Variants in CUX2 observed in about 807,000 individuals in gnomAD.
CUX2 encodes the protein homeobox protein cut-like 2.
In CUX2, 40 loss-of-function variants were observed where a neutral mutation model predicts 144.8. The observed-to-expected ratio is 0.28, with a 90% CI of 0.21 to 0.36. The LOEUF (loss-of-function observed/expected upper bound fraction) is 0.36, where lower values mean the gene tolerates loss of function less well. Among genes scored for constraint, CUX2 ranks in the 10% least tolerant of loss-of-function variants. The pLI is 1.00. For missense variants in CUX2, 1,615 were observed against 1,994.0 expected (o/e 0.81, Z 3.62); for synonymous variants, 827 against 875.6 (o/e 0.94, Z 0.98).
At chr12:111,167,759 A>G (rs750226579) in intron 1 of CUX2, among the ~76,000 whole-genome samples, 5 of 152,076 alleles carry the variant, frequency 3.3e-5, no homozygotes, top group Middle Eastern at 3.4e-3. Context: ...CAGTGGCATG[A>G]TCTTAGCTCA....
intron 1 of CUX2, among the ~76,000 whole-genome samples, chr12:111,133,803 T>G (rs1875667051): frequency 1.3e-5 from 2 of 152,104 alleles, no homozygotes; most frequent in South Asian, 4.1e-4. Flanking sequence ...AGTGCAGGGT[T>G]AATTCCCTCA....
intron 3 of CUX2, among the ~76,000 whole-genome samples, chr12:111,235,575 G>T (rs992522948): frequency 6.6e-6 from 1 of 152,106 alleles, no homozygotes; most frequent in African/African-American, 2.4e-5. Flanking sequence ...ACAAAAATTA[G>T]CCAGGCATGG....
intron 16 of CUX2, among the ~76,000 whole-genome samples, chr12:111,313,797 G>A (rs192200325): frequency 6.6e-6 from 1 of 152,250 alleles, no homozygotes; most frequent in East Asian, 1.9e-4. Flanking sequence ...TGTCACAAAC[G>A]ACTCTGCTGG....
chr12:111,038,798 A>T (rs1869588554), intron 1 of CUX2, among the ~76,000 whole-genome samples: 1 of 151,844 alleles, frequency 6.6e-6, no homozygotes, highest in Non-Finnish European at 1.5e-5. Context: ...TTTTATTAAT[A>T]CTTGAATTCA....
intron 16 of CUX2, among the ~76,000 whole-genome samples, chr12:111,316,742 G>A (rs575123201): frequency 2.0e-4 from 31 of 152,198 alleles, no homozygotes; most frequent in Middle Eastern, 3.4e-3. Flanking sequence ...GAACCACCAC[G>A]CCCGGCCAAA....
rs765553446 is a variant in CUX2, at chr12:111,334,434, C to G, written c.2927-7C>G. ...GTAACCACCTTCTCTTTCTCTGTGG[C>G]CCACAGCCAGTCCCACAGAACCAAG... On this transcript the variant is annotated splice_polypyrimidine_tract_variant and splice_region_variant and intron_variant, in intron 18 of 21. Transcript: ENST00000261726. 2 of 1,575,476 alleles carry G rather than the reference C, an allele frequency of 1.3e-6. No individual in the cohort carries two copies. The highest frequency in any genetic ancestry group is 3.8e-5 in the Admixed American group (2 of 52,972).
intron 1 of CUX2, among the ~76,000 whole-genome samples, chr12:111,206,585 C>A (rs1880930055): frequency 6.6e-6 from 1 of 152,220 alleles, no homozygotes; most frequent in Non-Finnish European, 1.5e-5. Context: ...ACTGTGAACT[C>A]CTCAAGGACA....
chr12:111,120,077 A>T (rs574681304), intron 1 of CUX2, among the ~76,000 whole-genome samples: 2 of 152,274 alleles, frequency 1.3e-5, no homozygotes, highest in East Asian at 1.9e-4. Flanking sequence ...AATTTTTTTT[A>T]AACATGGAGA....
chr12:111,103,240 A>C (rs1239268901), intron 1 of CUX2, among the ~76,000 whole-genome samples: 3 of 152,168 alleles, frequency 2.0e-5, no homozygotes, highest in African/African-American at 7.2e-5. Context: ...ACTGTGGCTA[A>C]CGGGTGATTG....
chr12:111,084,834 C>T (rs909359484), intron 1 of CUX2, among the ~76,000 whole-genome samples: 14 of 152,114 alleles, frequency 9.2e-5, no homozygotes, highest in Admixed American at 2.0e-4. Context: ...TGCTCTCACT[C>T]GGGCTCCGGG....
chr12:111,322,279 C>T lies in CUX2; in HGVS notation c.2767-142C>T. 1.1e-6 allele frequency: 1 copy of T among 895,314 alleles called. No homozygotes were observed. The highest frequency in any genetic ancestry group is 1.9e-5 in the South Asian group (1 of 53,154). 55.5% of individuals were successfully genotyped at this position (895,314 alleles called of 1,614,324 possible). A position where few individuals can be genotyped will look rare whatever the true frequency, so the allele number is the denominator to read the frequency against. On this transcript the variant is annotated intron_variant, in intron 17 of 21. Coordinates refer to ENST00000261726, the MANE Select transcript of CUX2 (RefSeq NM_015267.4). This position sits in a 1 kb window ranked among gnomAD's most constrained non-coding sequence, Gnocchi z 4.2. ...TTTGCAGTGAGCTGAGATGGTGCCA[C>T]TGCACTCCATCCTGGGCGACAGACA...
rs537311380 is a variant in CUX2 at position 111,084,493 on chromosome 12, C to CT, written c.63+50267dup. ...TTTTCAAGGCCAATTTAAACAGAAT[C>CT]TTTTTTTTTTTTTTCCCTAGAACAA... On this transcript the variant is annotated intron_variant, in intron 1 of 21. Transcript: ENST00000261726. Among the ~76,000 whole-genome samples the CT allele has an allele frequency of 9.5e-3, 1,352 of 142,226 alleles. 4 individuals carry two copies. Among genetic ancestry groups the CT allele is most frequent in the Middle Eastern group, 0.019 (5 of 266 alleles). The allele number at this position is 142,226 out of a possible 152,430, so 93.3% of individuals were successfully genotyped here. A position where few individuals can be genotyped will look rare whatever the true frequency, so the allele number is the denominator to read the frequency against.
At chr12:111,176,036 CTTCT>C (rs1320700170) in intron 1 of CUX2, among the ~76,000 whole-genome samples, 7 of 120,512 alleles carry the variant, frequency 5.8e-5, no homozygotes, top group Non-Finnish European at 5.1e-5. Flanking sequence ...TCTTCTTCTT[CTTCT>C]TTTTTTTTTT....
chr12:111,129,280 ATC>A (rs374198111), intron 1 of CUX2, among the ~76,000 whole-genome samples: 20 of 152,358 alleles, frequency 1.3e-4, no homozygotes, highest in African/African-American at 4.8e-4. Context: ...CTAGGGTGAA[ATC>A]TTGTGGAAGG....
chr12:111,150,972 G>T (rs980580878), intron 1 of CUX2, among the ~76,000 whole-genome samples: 2 of 152,162 alleles, frequency 1.3e-5, no homozygotes, highest in Admixed American at 6.5e-5. Context: ...CATCTCAAAC[G>T]TTTTAAAGTT....
At chr12:111,096,453 TG>T (rs1172704829) in intron 1 of CUX2, among the ~76,000 whole-genome samples, 1 of 152,194 alleles carries the variant, frequency 6.6e-6, no homozygotes, top group Non-Finnish European at 1.5e-5. Context: ...GCTCCCCGTA[TG>T]GAATCTTAGG....
intron 3 of CUX2, among the ~76,000 whole-genome samples, chr12:111,244,180 C>T (rs1286012710): frequency 6.6e-6 from 1 of 152,146 alleles, no homozygotes; most frequent in Non-Finnish European, 1.5e-5. Flanking sequence ...CTACCTTGGC[C>T]TCCCAAACTG....
intron 1 of CUX2, among the ~76,000 whole-genome samples, chr12:111,054,876 C>G (rs1248383066): frequency 6.6e-6 from 1 of 152,218 alleles, no homozygotes; most frequent in Non-Finnish European, 1.5e-5. Context: ...ATCCACCTCC[C>G]TCAGCCTCCC....
rs895504351 is a variant in CUX2 at position 111,034,477 on chromosome 12, G to C, written c.63+237G>C. 1.3e-5 allele frequency among the ~76,000 whole-genome samples: 2 copies of C among 151,730 alleles called. No individual in the cohort carries two copies. The highest frequency in any genetic ancestry group is 1.3e-4 in the Admixed American group (2 of 15,246). ...CTGCCGCGACCATGGAGAAGCGCTA[G>C]TGAGCCCTCGGTCGGCGGAGCGGCC... On this transcript the variant is annotated intron_variant, in intron 1 of 21. Transcript: ENST00000261726. This position sits in a 1 kb window ranked among gnomAD's most constrained non-coding sequence, Gnocchi z 4.2.
Sources: allele counts gnomAD v4.1 joint callset (sites outside exome capture counted in the v4.1 genomes callset), GRCh38; gene constraint gnomAD v4.1.1; non-coding constraint Gnocchi (gnomAD v3.1); transcripts MANE v1.5; gene names NCBI Gene and HGNC (gene_info 2026-07-23, HGNC 2026-07-21).